RAB32: variants seen among roughly 807,000 people sequenced by gnomAD.
RAB32 encodes the protein RAB32, member RAS oncogene family.
In RAB32, 17 loss-of-function variants were observed where a neutral mutation model predicts 17.5. The ratio of observed to expected loss-of-function variants is 0.97; its 90% confidence interval spans 0.67 to 1.46. RAB32 has a LOEUF of 1.46. RAB32 is among the 40% of genes most tolerant of loss of function. The pLI is 0.00. For synonymous variants in RAB32, 115 were observed against 111.1 expected (o/e 1.04, Z -0.22); for missense variants, 288 against 284.3 (o/e 1.01, Z -0.09).
intron 1 of RAB32, among the ~76,000 whole-genome samples, chr6:146,545,461 T>TG (rs1219997062): frequency 1.3e-5 from 2 of 152,048 alleles, no homozygotes; most frequent in African/African-American, 2.4e-5. Flanking sequence ...GCAGAGTGGT[T>TG]GGGGGGATCA....
At chr6:146,550,098 G>A (rs1583537068) in intron 2 of RAB32, among the ~76,000 whole-genome samples, 2 of 152,306 alleles carry the variant, frequency 1.3e-5, no homozygotes, top group East Asian at 3.9e-4. Flanking sequence ...TAAGTGAATA[G>A]GAAGATGCCT....
At chr6:146,545,764 A>G (rs956541552) in intron 1 of RAB32, among the ~76,000 whole-genome samples, 6 of 152,202 alleles carry the variant, frequency 3.9e-5, no homozygotes, top group African/African-American at 1.4e-4. Context: ...CAGAACCCTA[A>G]TGAGCAGTAT....
chr6:146,549,914 T>C (rs1366278260), intron 2 of RAB32, among the ~76,000 whole-genome samples, 173 bp downstream of exon 2: 1 of 152,224 alleles, frequency 6.6e-6, no homozygotes, highest in Non-Finnish European at 1.5e-5. Flanking sequence ...GCTTTCCAAA[T>C]TGGCTAATGG....
At chr6:146,550,321 AAAAAT>A (rs1345467684) in intron 2 of RAB32, among the ~76,000 whole-genome samples, 8 of 152,184 alleles carry the variant, frequency 5.3e-5, no homozygotes, top group Non-Finnish European at 1.0e-4. Flanking sequence ...TTCTGAAGGA[AAAAAT>A]AAAACACTCA....
intron 1 of RAB32, among the ~76,000 whole-genome samples, chr6:146,546,828 G>T (rs928050848): frequency 6.8e-6 from 1 of 146,926 alleles, no homozygotes; most frequent in African/African-American, 2.6e-5. Flanking sequence ...AGAGGGCGAG[G>T]TAGTGAAGAA....
At chr6:146,546,212 G>A (rs1213062456) in intron 1 of RAB32, among the ~76,000 whole-genome samples, 1 of 152,020 alleles carries the variant, frequency 6.6e-6, no homozygotes, top group Non-Finnish European at 1.5e-5. Context: ...TGCCAGGAAG[G>A]AAAACAAAAG....
intron 2 of RAB32, among the ~76,000 whole-genome samples, chr6:146,553,441 T>TA (rs1324410846): frequency 5.3e-5 from 8 of 152,082 alleles, no homozygotes; most frequent in Admixed American, 3.9e-4. Context: ...CAAAAATACA[T>TA]ACGTTGAATT....
chr6:146,548,653 A>G (rs189970665), intron 1 of RAB32, among the ~76,000 whole-genome samples: 173 of 152,312 alleles, frequency 1.1e-3, no homozygotes, highest in Non-Finnish European at 2.1e-3. Context: ...CAGTGCCACT[A>G]TAATCCTGGC....
chr6:146,546,623 A>G (rs1779824315), intron 1 of RAB32, among the ~76,000 whole-genome samples: 1 of 152,092 alleles, frequency 6.6e-6, no homozygotes, highest in Admixed American at 6.5e-5. Context: ...TGGCTGCTCC[A>G]CAAACTTCCC....
At position 146,543,972 on chromosome 6, in the gene RAB32, T is replaced by C; in HGVS notation, c.101T>C (p.Leu34Pro). 2 of 1,613,486 alleles carry C rather than the reference T, an allele frequency of 1.2e-6. No individual in the cohort carries two copies. Among genetic ancestry groups the C allele is most frequent in the Non-Finnish European group, 1.7e-6 (2 of 1,179,830 alleles). Residue 34 changes from leucine (L) to proline (P), a missense_variant, in exon 1 of 3, where the codon CTT becomes CCT. Coordinates refer to ENST00000367495, the MANE Select transcript of RAB32 (RefSeq NM_006834.5). The part of the protein sequence containing the change: ...HLFKVLVIGE[L>P]GVGKTSIIKR... ...TTCAAGGTGCTGGTGATCGGCGAGC[T>C]TGGCGTGGGCAAGACCAGCATCATC...
At chr6:146,554,186 G>A (rs3804282) in intron 2 of RAB32, among the ~76,000 whole-genome samples, 129,359 of 152,168 alleles carry the variant, frequency 0.85, 55,455 homozygotes, top group African/African-American at 0.96. Flanking sequence ...ATTTTCAACC[G>A]TCGAGATAGC....
intron 2 of RAB32, among the ~76,000 whole-genome samples, chr6:146,553,271 G>A (rs1271682991): frequency 6.6e-6 from 1 of 152,140 alleles, no homozygotes; most frequent in Non-Finnish European, 1.5e-5. Context: ...GATAACATTA[G>A]TGGGGAAAAG....
At chr6:146,551,280 A>G (rs549562985) in intron 2 of RAB32, among the ~76,000 whole-genome samples, 1 of 152,364 alleles carries the variant, frequency 6.6e-6, no homozygotes, top group South Asian at 2.1e-4. Flanking sequence ...CTATGTGAGC[A>G]CTTAATCTGA....
At chr6:146,544,658 G>C (rs9497568) in intron 1 of RAB32, among the ~76,000 whole-genome samples, 6,689 of 151,690 alleles carry the variant, frequency 0.044, 523 homozygotes, top group African/African-American at 0.15. Context: ...TGCTCTCATC[G>C]GAAGCCGAGG....
chr6:146,549,605 C>G lies in RAB32; in HGVS notation c.392C>G (p.Pro131Arg). The change falls in exon 2 of 3, where the codon CCA becomes CGA. Residue 131 changes from proline to arginine, a missense_variant. By Grantham distance (103) the Pro-to-Arg change is moderately radical (BLOSUM62 -2). Transcript: ENST00000367495. The stretch of plus-strand genomic sequence containing the variant: ...GATCTGGATAGTAAAGTTCATCTTC[C>G]AAATGGCAGCCCTATCCCTGCTGTC... ...KSDLDSKVHL[P>R]NGSPIPAVLL... is the part of the protein sequence containing the mutation. 1 of 1,614,122 alleles carries G rather than the reference C, an allele frequency of 6.2e-7. No homozygotes were observed.
chr6:146,546,271 G>T (rs1779817834), intron 1 of RAB32, among the ~76,000 whole-genome samples: 1 of 152,012 alleles, frequency 6.6e-6, no homozygotes, highest in Admixed American at 6.6e-5. Flanking sequence ...TGTTTCAACA[G>T]GTATTGTTGT....
intron 1 of RAB32, among the ~76,000 whole-genome samples, chr6:146,544,789 C>CA (rs1554328315): frequency 7.0e-6 from 1 of 142,074 alleles, no homozygotes; most frequent in African/African-American, 2.6e-5. Context: ...GCCCCCCCCC[C>CA]ACTCCTCAAT....
chr6:146,545,682 A>C (rs1468562549), intron 1 of RAB32, among the ~76,000 whole-genome samples: 1 of 152,206 alleles, frequency 6.6e-6, no homozygotes, highest in Non-Finnish European at 1.5e-5. Flanking sequence ...TTTTGTTACC[A>C]AAAACCAAAA....
chr6:146,549,353 G>A, intron 1 of RAB32, 111 bp from the exon 2 acceptor site: 1 of 822,638 alleles, frequency 1.2e-6, no homozygotes, highest in Non-Finnish European at 1.9e-6. Flanking sequence ...TATTGCTGTG[G>A]AATGGAAGAC....
Sources: gnomAD v4.1 joint callset for allele counts (sites outside exome capture counted in the v4.1 genomes callset) on GRCh38, gnomAD v4.1.1 for gene constraint, MANE v1.5 for transcripts, NCBI Gene and HGNC (gene_info 2026-07-23, HGNC 2026-07-21) for gene names.